KIAA1614: variants seen among roughly 807,000 people sequenced by gnomAD.
KIAA1614 encodes the protein KIAA1614.
In KIAA1614, 76 loss-of-function variants were observed where a neutral mutation model predicts 88.7. That is an observed-to-expected ratio of 0.86 (90% CI 0.71 to 1.04). The LOEUF (loss-of-function observed/expected upper bound fraction) is 1.04, where lower values mean the gene tolerates loss of function less well. Ranked by LOEUF, KIAA1614 falls within the 50% of genes least tolerant of loss-of-function variation. The probability of loss-of-function intolerance (pLI) is 0.00; values close to 1 mark genes in which losing one functional copy is unlikely to be tolerated. For synonymous variants in KIAA1614, 714 were observed against 675.5 expected (o/e 1.06, Z -0.88); for missense variants, 1,553 against 1,582.5 (o/e 0.98, Z 0.32).
intron 7 of KIAA1614, 26 bp from the exon 8 acceptor site, chr1:180,944,363 C>T: frequency 6.2e-7 from 1 of 1,608,968 alleles, no homozygotes; most frequent in Non-Finnish European, 8.5e-7. Flanking sequence ...CTTTTCTCAC[C>T]CGCAATATTG....
intron 3 of KIAA1614, among the ~76,000 whole-genome samples, chr1:180,919,570 GC>G (rs763677982): frequency 6.6e-6 from 1 of 152,094 alleles, no homozygotes; most frequent in Admixed American, 6.5e-5. Flanking sequence ...GCCTGCAGCT[GC>G]CCCCACCCCC....
intron 1 of KIAA1614, among the ~76,000 whole-genome samples, chr1:180,914,635 C>T (rs1211229901): frequency 5.3e-5 from 8 of 151,268 alleles, no homozygotes; most frequent in East Asian, 1.9e-4. Context: ...CTGTAACCTC[C>T]GCCTTCTGGG....
In KIAA1614 at chr1:180,913,153, GCCCCGGATTCGGGGCTGGAAGTCCCT is replaced by G. The variant is rs1200284605; in HGVS notation, c.-85_-60del. On this transcript the variant is annotated 5_prime_UTR_variant, in exon 1 of 9. Transcript: ENST00000367588. ...AGGCCTGCGGGCCGCACTCCCTCCGGCCCCGGATTCGGGGCTGGAAGTCCCTCCCCGAACCCAGCAGCTGGCCTGGG... is the reference window on the plus strand; with the variant it reads ...AGGCCTGCGGGCCGCACTCCCTCCGGCCCCGAACCCAGCAGCTGGCCTGGG... 9.5e-7 allele frequency: 1 copy of G among 1,050,868 alleles called. No individual in the cohort carries two copies. Among genetic ancestry groups the G allele is most frequent in the Non-Finnish European group, 1.2e-6 (1 of 816,118 alleles). The allele number at this position is 1,050,868 out of a possible 1,614,324, so 65.1% of individuals were successfully genotyped here.
Position 180,916,340 on chromosome 1 carries a change from C to A in KIAA1614, c.237C>A (p.Gly79=). 6.2e-7 allele frequency: 1 copy of A among 1,614,114 alleles called. No homozygotes were observed. Among genetic ancestry groups the A allele is most frequent in the Non-Finnish European group, 8.5e-7 (1 of 1,180,012 alleles). The part of the protein sequence containing the change: ...PPRVWGVQLQ[G]PSVLESKVRA... ...GGGTATGGGGAGTACAGCTCCAGGG[C>A]CCCTCTGTGCTGGAATCCAAGGTGA... Residue 79 remains glycine (G), a synonymous_variant, in exon 2 of 9, where the codon GGC becomes GGA. Coordinates refer to ENST00000367588, the MANE Select transcript of KIAA1614 (RefSeq NM_020950.2).
rs778456990 is a variant in KIAA1614, at chr1:180,938,584, G to C, written c.2791G>C (p.Asp931His). Residue 931 changes from aspartate (D) to histidine (H), a missense_variant, in exon 6 of 9, where the codon GAT becomes CAT. Transcript: ENST00000367588. ...GGPQGFLGSA[D>H]VATINSTGIT... Reference sequence around the variant, plus strand: ...ACCCCAGGGCTTTCTTGGCTCAGCAGATGTTGCCACCATCAACTCCACGGG... The same window carrying C: ...ACCCCAGGGCTTTCTTGGCTCAGCACATGTTGCCACCATCAACTCCACGGG... 5.6e-6 allele frequency: 9 copies of C among 1,614,010 alleles called. No homozygotes were observed. The South Asian group carries it at 9.9e-5, about 18-fold the overall frequency.
intron 8 of KIAA1614, chr1:180,944,962 A>G: frequency 3.5e-6 from 1 of 289,308 alleles, no homozygotes; most frequent in Non-Finnish European, 6.3e-6. Context: ...TGGGGCGTGG[A>G]TGTACTTCAG....
intron 7 of KIAA1614, among the ~76,000 whole-genome samples, chr1:180,943,362 T>C (rs1230613054): frequency 6.7e-6 from 1 of 149,920 alleles, no homozygotes; most frequent in Non-Finnish European, 1.5e-5. Context: ...CACTTGTTGG[T>C]TGATGGGCAC....
chr1:180,916,895 C>G lies in KIAA1614; in HGVS notation c.792C>G (p.Val264=). 1 of 1,614,232 alleles carries G rather than the reference C, an allele frequency of 6.2e-7. No individual in the cohort carries two copies. The highest frequency in any genetic ancestry group is 8.5e-7 in the Non-Finnish European group (1 of 1,180,044). ...GCACATCCCTGACCTCCGAGGAGGT[C>G]TTTGTCCCCAGGACGGCCCTGCTGG... ...LDSTSLTSEE[V]FVPRTALLGE... Residue 264 remains valine (V), a synonymous_variant, in exon 2 of 9, where the codon GTC becomes GTG. Coordinates refer to ENST00000367588, the MANE Select transcript of KIAA1614 (RefSeq NM_020950.2).
intron 1 of KIAA1614, 111 bp downstream of exon 1, chr1:180,913,404 G>T: frequency 1.5e-6 from 1 of 647,840 alleles, no homozygotes; most frequent in Non-Finnish European, 2.2e-6. Flanking sequence ...GGCCTCCCAC[G>T]GGCTCGGAGC....
intron 4 of KIAA1614, among the ~76,000 whole-genome samples, chr1:180,929,808 A>G (rs568735530): frequency 2.0e-5 from 3 of 152,354 alleles, no homozygotes. Context: ...CTGTGGCTTC[A>G]CTGGCATGGT....
rs773920772 is a variant in KIAA1614 at position 180,936,596 on chromosome 1, C to A, written c.2687C>A (p.Ala896Asp). 6.2e-7 allele frequency: 1 copy of A among 1,610,610 alleles called. No homozygotes were observed. The highest frequency in any genetic ancestry group is 8.5e-7 in the Non-Finnish European group (1 of 1,178,974). The change falls in exon 5 of 9, where the codon GCC becomes GAC. Residue 896 changes from alanine (A) to aspartate (D), a missense_variant. Coordinates refer to ENST00000367588, the MANE Select transcript of KIAA1614 (RefSeq NM_020950.2). The stretch of plus-strand genomic sequence containing the variant: ...GGGCTGCAGGAGCCCTACGGGGGAG[C>A]CGTCCACGAGGGTAGGGTGGAGAGG... ...PRGLQEPYGG[A>D]VHEGRVERGP...
At chr1:180,941,313 G>T (rs757478406) in intron 7 of KIAA1614, 28 bp downstream of exon 7, 2 of 1,584,950 alleles carry the variant, frequency 1.3e-6, no homozygotes, top group East Asian at 2.3e-5. Context: ...AGCCCAGGGA[G>T]TGAAGCCAGT....
In KIAA1614 at chr1:180,946,936, CTT is replaced by C. The variant is rs1654610284; in HGVS notation, c.*1349_*1350del. On this transcript the variant is annotated 3_prime_UTR_variant, in exon 9 of 9. Transcript: ENST00000367588. ...AGATTGTATCTATAAAATGTGTACT[CTT>C]GTTATGTATAATGTGCTACGTATGT... 1 of 152,246 alleles carries C rather than the reference CTT, an allele frequency of 6.6e-6. No individual in the cohort carries two copies. The highest frequency in any genetic ancestry group is 1.5e-5 in the Non-Finnish European group (1 of 68,070). 9.4% of individuals were successfully genotyped at this position (152,246 alleles called of 1,614,324 possible).
At chr1:180,933,800 AGT>A (rs979044967) in intron 4 of KIAA1614, among the ~76,000 whole-genome samples, 14 of 152,188 alleles carry the variant, frequency 9.2e-5, no homozygotes, top group African/African-American at 2.9e-4. Flanking sequence ...GCAGGACGAG[AGT>A]GTGTGTGAGG....
In KIAA1614 at chr1:180,945,943, A is replaced by C; in HGVS notation, c.*355A>C. The C allele has an allele frequency of 6.3e-6, 2 of 317,376 alleles. No individual in the cohort carries two copies. The highest frequency in any genetic ancestry group is 9.4e-6 in the Non-Finnish European group (2 of 212,986). 19.7% of individuals were successfully genotyped at this position (317,376 alleles called of 1,614,324 possible). On this transcript the variant is annotated 3_prime_UTR_variant, in exon 9 of 9. Transcript: ENST00000367588. ...CACATGGTGAAACCCATGTCTACTA[A>C]AAATACAAAATTAGCTGGGCGTGGT...
chr1:180,941,102 G>A lies in KIAA1614; in HGVS notation c.2976G>A (p.Gln992=), dbSNP rs573508679. 4.8e-5 allele frequency: 74 copies of A among 1,553,942 alleles called. 1 individual carries two copies. The South Asian group carries it at 7.9e-4, about 17-fold the overall frequency. Residue 992 remains glutamine (Q), a synonymous_variant, in exon 7 of 9, where the codon CAG becomes CAA. Transcript: ENST00000367588. Reference sequence around the variant, plus strand: ...CCCCCTCGGCTGCCCCTTTGGACCAGAACAAGAAAAGGAGCAGCAGCATAG... The same window carrying A: ...CCCCCTCGGCTGCCCCTTTGGACCAAAACAAGAAAAGGAGCAGCAGCATAG... ...PGSPSAAPLD[Q]NKKRSSSIAS...
chr1:180,947,083 TG>T lies in KIAA1614; in HGVS notation c.*1499del, dbSNP rs1654613389. On this transcript the variant is annotated 3_prime_UTR_variant, in exon 9 of 9. Transcript: ENST00000367588. ...GATGACACTTGAGCAGGGCCGTGGA[TG>T]GGGCGAGGAAGGGGCCCCATGGGTG... 6.6e-6 allele frequency: 1 copy of T among 152,168 alleles called. No homozygotes were observed. The highest frequency in any genetic ancestry group is 2.4e-5 in the African/African-American group (1 of 41,394). 9.4% of individuals were successfully genotyped at this position (152,168 alleles called of 1,614,324 possible).
At chr1:180,913,334 G>T in intron 1 of KIAA1614, 41 bp downstream of exon 1, 21 of 1,214,700 alleles carry the variant, frequency 1.7e-5, no homozygotes, top group Non-Finnish European at 2.1e-5. Flanking sequence ...CCGGGCGGGG[G>T]TGGCGGACCG....
chr1:180,930,453 C>G lies in KIAA1614; in HGVS notation c.1205+1880C>G, dbSNP rs116259685. Reference sequence around the variant, plus strand: ...AGGAATGGGCATGACTTCTTCAGGGCATCCTAACTATTCTTCTTCACGTAT... The same window carrying G: ...AGGAATGGGCATGACTTCTTCAGGGGATCCTAACTATTCTTCTTCACGTAT... On this transcript the variant is annotated intron_variant, in intron 4 of 8. Coordinates refer to ENST00000367588, the MANE Select transcript of KIAA1614 (RefSeq NM_020950.2). Among the ~76,000 whole-genome samples the G allele has an allele frequency of 8.6e-3, 1,302 of 152,232 alleles. 16 individuals carry two copies. Among genetic ancestry groups the G allele is most frequent in the African/African-American group, 0.029 (1,201 of 41,532 alleles).
Sources: gnomAD v4.1 joint callset for allele counts (sites outside exome capture counted in the v4.1 genomes callset) on GRCh38, gnomAD v4.1.1 for gene constraint, MANE v1.5 for transcripts, NCBI Gene and HGNC (gene_info 2026-07-23, HGNC 2026-07-21) for gene names.